The following MATN2 variants were observed in gnomAD, a reference collection of about 807,000 sequenced individuals.
MATN2 encodes the protein matrilin 2.
In MATN2, 69 loss-of-function variants were observed where a neutral mutation model predicts 103.2. That is an observed-to-expected ratio of 0.67 (90% CI 0.55 to 0.82). The LOEUF (loss-of-function observed/expected upper bound fraction) is 0.82. MATN2 is among the 40% of genes least tolerant of loss of function. MATN2 has a pLI of 0.00. For synonymous variants in MATN2, 429 were observed against 450.2 expected (o/e 0.95, Z 0.60); for missense variants, 1,023 against 1,211.5 (o/e 0.84, Z 2.31).
At chr8:97,942,936 G>A (rs140212961) in intron 4 of MATN2, among the ~76,000 whole-genome samples, 6 of 152,038 alleles carry the variant, frequency 3.9e-5, no homozygotes, top group East Asian at 3.9e-4. Context: ...TTGACCCTCC[G>A]CTTCTGTGTG....
intron 1 of MATN2, among the ~76,000 whole-genome samples, chr8:97,872,023 T>C (rs922784447): frequency 6.6e-6 from 1 of 152,216 alleles, no homozygotes; most frequent in African/African-American, 2.4e-5. Flanking sequence ...AAGACTGGAT[T>C]TTTTGGGAGA....
At chr8:98,026,999 A>C (rs1476531565) in intron 13 of MATN2, among the ~76,000 whole-genome samples, 1 of 151,982 alleles carries the variant, frequency 6.6e-6, no homozygotes, top group East Asian at 1.9e-4. Flanking sequence ...AGCTGAAGAA[A>C]TCTCTTTCTC....
At chr8:98,002,474 A>G (rs1197379609) in intron 7 of MATN2, among the ~76,000 whole-genome samples, 1 of 152,204 alleles carries the variant, frequency 6.6e-6, no homozygotes, top group Non-Finnish European at 1.5e-5. Context: ...TCACTGTCAG[A>G]TGTCACTGTA....
Position 97,890,164 on chromosome 8 carries a change from G to A in MATN2, c.142+1922G>A, listed in dbSNP as rs143333394. Reference sequence around the variant, plus strand: ...CCCAGATATGCTGGAGGGCTGCTTGGCTTATGAAAATGGTGGAGTGGGCCG... The same window carrying A: ...CCCAGATATGCTGGAGGGCTGCTTGACTTATGAAAATGGTGGAGTGGGCCG... On this transcript the variant is annotated intron_variant, in intron 2 of 18. Coordinates refer to ENST00000254898, the MANE Select transcript of MATN2 (RefSeq NM_002380.5). Among the ~76,000 whole-genome samples the A allele has an allele frequency of 4.8e-3, 727 of 152,254 alleles. 4 individuals are homozygous for A. The highest frequency in any genetic ancestry group is 0.014 in the African/African-American group (592 of 41,550).
chr8:97,919,295 C>T (rs1332598131), intron 2 of MATN2, among the ~76,000 whole-genome samples: 1 of 152,178 alleles, frequency 6.6e-6, no homozygotes. Flanking sequence ...TGCAGTGGTG[C>T]GACCACAGCT....
At chr8:98,000,324 T>C (rs1812735575) in intron 7 of MATN2, among the ~76,000 whole-genome samples, 1 of 151,336 alleles carries the variant, frequency 6.6e-6, no homozygotes, top group Non-Finnish European at 1.5e-5. Flanking sequence ...ACAGGCCAGG[T>C]GCGGTGGCTC....
Position 97,931,248 on chromosome 8 carries a change from C to T in MATN2, c.438C>T (p.Ile146=), listed in dbSNP as rs375276855. 221 of 1,613,782 alleles carry T rather than the reference C, an allele frequency of 1.4e-4. 1 individual carries two copies. The highest frequency in any genetic ancestry group is 1.7e-4 in the Non-Finnish European group (205 of 1,179,872). ...TGLAIQYALN[I]AFSEAEGARP... is the part of the protein sequence containing the mutation. ...TGGCCATCCAGTATGCCCTGAACAT[C>T]GCATTCTCAGAAGCAGAGGGGGCCC... Residue 146 remains isoleucine, a synonymous_variant, in exon 3 of 19, where the codon ATC becomes ATT. Coordinates refer to ENST00000254898, the MANE Select transcript of MATN2 (RefSeq NM_002380.5). This position sits in a 1 kb window ranked among gnomAD's most constrained non-coding sequence, Gnocchi z 4.1.
At chr8:97,876,674 A>G (rs957014408) in intron 1 of MATN2, among the ~76,000 whole-genome samples, 6 of 152,148 alleles carry the variant, frequency 3.9e-5, no homozygotes, top group African/African-American at 1.2e-4. Flanking sequence ...TAATCAAGGA[A>G]GCAGCTGGAT....
intron 5 of MATN2, among the ~76,000 whole-genome samples, chr8:97,975,487 T>C (rs1296468481): frequency 6.6e-6 from 1 of 152,168 alleles, no homozygotes; most frequent in Non-Finnish European, 1.5e-5. Context: ...GGGCTCAGAT[T>C]ATACCCCATG....
rs538962571 is a variant in MATN2 at position 98,035,726 on chromosome 8, C to T, written c.*14C>T. 8.2e-6 allele frequency: 13 copies of T among 1,582,166 alleles called. No individual in the cohort carries two copies. Among genetic ancestry groups the T allele is most frequent in the African/African-American group, 4.0e-5 (3 of 74,358 alleles). Reference sequence around the variant, plus strand: ...AGATACAGATGAAGATTAGAAATCGCGACACATTTGTAGTCATTGTATCAC... The same window carrying T: ...AGATACAGATGAAGATTAGAAATCGTGACACATTTGTAGTCATTGTATCAC... On this transcript the variant is annotated 3_prime_UTR_variant, in exon 19 of 19. Coordinates refer to ENST00000254898, the MANE Select transcript of MATN2 (RefSeq NM_002380.5).
In MATN2 at chr8:98,007,686, G is replaced by T; in HGVS notation, c.1573+85G>T. 6.7e-7 allele frequency: 1 copy of T among 1,487,228 alleles called. No individual in the cohort carries two copies. The highest frequency in any genetic ancestry group is 9.1e-7 in the Non-Finnish European group (1 of 1,096,962). 92.1% of individuals were successfully genotyped at this position (1,487,228 alleles called of 1,614,324 possible). On this transcript the variant is annotated intron_variant, in intron 10 of 18. Transcript: ENST00000254898. This position sits in a 1 kb window ranked among gnomAD's most constrained non-coding sequence, Gnocchi z 4.2. Reference sequence around the variant, plus strand: ...GCGCTGCCGACGTGTATATGTGCCTGTGTGTCCTGTCTCCAGGCTTTGCTG... The same window carrying T: ...GCGCTGCCGACGTGTATATGTGCCTTTGTGTCCTGTCTCCAGGCTTTGCTG...
chr8:98,008,536 GCCT>G (rs1460746847), intron 10 of MATN2, among the ~76,000 whole-genome samples: 1 of 152,162 alleles, frequency 6.6e-6, no homozygotes, highest in East Asian at 1.9e-4. Context: ...AGCTGGGCGT[GCCT>G]CTCTATGCTG....
At chr8:97,915,880 GTGTC>G (rs1298985314) in intron 2 of MATN2, among the ~76,000 whole-genome samples, 1 of 152,048 alleles carries the variant, frequency 6.6e-6, no homozygotes, top group Admixed American at 6.6e-5. Flanking sequence ...GTGTGTGTGT[GTGTC>G]TGTGTGTGTA....
chr8:98,027,618 C>T lies in MATN2; in HGVS notation c.2145C>T (p.Ala715=). The T allele has an allele frequency of 6.2e-7, 1 of 1,613,650 alleles. No homozygotes were observed. Among genetic ancestry groups the T allele is most frequent in the South Asian group, 1.1e-5 (1 of 91,058 alleles). ...TCACTCTGAGAAACTTCAACTCAGCCAAAGACATGAAAAAAGCCGTGGCCC... is the reference window on the plus strand; with the variant it reads ...TCACTCTGAGAAACTTCAACTCAGCTAAAGACATGAAAAAAGCCGTGGCCC... The part of the protein sequence containing the change: ...TEFTLRNFNS[A]KDMKKAVAHM... Residue 715 remains alanine (A), a synonymous_variant, in exon 14 of 19, where the codon GCC becomes GCT. Coordinates refer to ENST00000254898, the MANE Select transcript of MATN2 (RefSeq NM_002380.5).
intron 4 of MATN2, among the ~76,000 whole-genome samples, chr8:97,945,340 G>A (rs976727455): frequency 6.6e-6 from 1 of 152,052 alleles, no homozygotes; most frequent in Non-Finnish European, 1.5e-5. Context: ...AGCAAAATAA[G>A]GAACAAAAAG....
Position 98,033,212 on chromosome 8 carries a change from G to T in MATN2, c.2716+36G>T. The T allele has an allele frequency of 1.9e-6, 3 of 1,550,426 alleles. No homozygotes were observed. The South Asian group carries it at 3.8e-5, about 20-fold the overall frequency. The stretch of plus-strand genomic sequence containing the variant: ...GTAAAATATTACTATAAGATAACTT[G>T]ATCTCAGCCTTTCGGCTTGCCAACA... On this transcript the variant is annotated intron_variant, in intron 17 of 18. Coordinates refer to ENST00000254898, the MANE Select transcript of MATN2 (RefSeq NM_002380.5).
At chr8:97,879,525 G>A (rs549721408) in intron 1 of MATN2, among the ~76,000 whole-genome samples, 1 of 152,334 alleles carries the variant, frequency 6.6e-6, no homozygotes, top group South Asian at 2.1e-4. Flanking sequence ...CTGAGAAAGG[G>A]TGTGGGTAGA....
chr8:98,013,655 T>C lies in MATN2; in HGVS notation c.1574-2885T>C, dbSNP rs547170317. On this transcript the variant is annotated intron_variant, in intron 10 of 18. Transcript: ENST00000254898. ...AAACAGAAACAGAGACTGTCTTACA[T>C]TGTTGGTGAGAGTAGAGATTGAAAT... 1.8e-4 allele frequency among the ~76,000 whole-genome samples: 27 copies of C among 152,266 alleles called. No individual in the cohort carries two copies. The East Asian group carries it at 2.3e-3, about 13-fold the overall frequency.
At chr8:97,892,235 C>CA (rs568746138) in intron 2 of MATN2, among the ~76,000 whole-genome samples, 7,594 of 107,522 alleles carry the variant, frequency 0.071, 260 homozygotes, top group African/African-American at 0.12. Context: ...GAAACTGTCT[C>CA]AAAAAAAAAA....
Sources: allele counts gnomAD v4.1 joint callset (sites outside exome capture counted in the v4.1 genomes callset), GRCh38; gene constraint gnomAD v4.1.1; non-coding constraint Gnocchi (gnomAD v3.1); transcripts MANE v1.5; gene names NCBI Gene and HGNC (gene_info 2026-07-23, HGNC 2026-07-21).